CFDP1: variants seen among roughly 807,000 people sequenced by gnomAD.
CFDP1 encodes chromatin remodeling protein CFDP1, also known as heterochromatin-stabilizing protein CFDP1.
Under a neutral mutation model 40.1 loss-of-function variants are expected in CFDP1, and 31 were observed. That is an observed-to-expected ratio of 0.77 (90% CI 0.58 to 1.04). The LOEUF (loss-of-function observed/expected upper bound fraction) is 1.04. CFDP1 is among the 50% of genes least tolerant of loss of function. The pLI is 0.00. For missense variants in CFDP1, 423 were observed against 343.4 expected (o/e 1.23, Z -1.83); for synonymous variants, 167 against 120.0 (o/e 1.39, Z -2.56).
chr16:75,372,944 T>G (rs1054447374), intron 5 of CFDP1, among the ~76,000 whole-genome samples: 5 of 152,158 alleles, frequency 3.3e-5, no homozygotes, highest in African/African-American at 1.2e-4. Flanking sequence ...GAAATTAACT[T>G]TATCAACTGT....
At chr16:75,428,561 G>A (rs944705419) in intron 1 of CFDP1, among the ~76,000 whole-genome samples, 7 of 151,948 alleles carry the variant, frequency 4.6e-5, no homozygotes, top group Non-Finnish European at 8.8e-5. Flanking sequence ...AAGTTGCAGT[G>A]AGCCGAGATT....
chr16:75,426,388 CTT>C (rs149358628), intron 1 of CFDP1, among the ~76,000 whole-genome samples: 9,942 of 151,956 alleles, frequency 0.065, 349 homozygotes, highest in Non-Finnish European at 0.089. Flanking sequence ...AACTATGTAA[CTT>C]TTACATAGGA....
chr16:75,328,284 T>C (rs1001690363), intron 5 of CFDP1, among the ~76,000 whole-genome samples: 13 of 150,254 alleles, frequency 8.7e-5, no homozygotes, highest in African/African-American at 2.9e-4. Context: ...AATTAGTATG[T>C]TTTAAAAGCT....
chr16:75,422,091 TTC>T (rs771733726), intron 1 of CFDP1, among the ~76,000 whole-genome samples: 2 of 152,052 alleles, frequency 1.3e-5, no homozygotes, highest in East Asian at 1.9e-4. Flanking sequence ...CCCAAATACT[TTC>T]TCTCTCTCTC....
chr16:75,322,830 C>A (rs572048614), intron 5 of CFDP1, among the ~76,000 whole-genome samples: 1 of 151,458 alleles, frequency 6.6e-6, no homozygotes. Context: ...GGATACTTAA[C>A]CTGTGTATAA....
intron 5 of CFDP1, among the ~76,000 whole-genome samples, chr16:75,307,270 C>A (rs147699434): frequency 0.01 from 1,554 of 152,172 alleles, 30 homozygotes; most frequent in African/African-American, 0.036. Flanking sequence ...GGCTGGAGTG[C>A]AGATGCGTGA....
Position 75,431,184 on chromosome 16 carries a change from G to T in CFDP1, c.64+2105C>A, listed in dbSNP as rs2079409579. ...AAAAAACACTGGGCCTGGCACGGTG[G>T]CTCACGCCTGTAATCCCAGCACTCA... On this transcript the variant is annotated intron_variant, in intron 1 of 6. Coordinates refer to ENST00000283882, the MANE Select transcript of CFDP1 (RefSeq NM_006324.3). Among the ~76,000 whole-genome samples the T allele has an allele frequency of 2.6e-5, 4 of 151,874 alleles. No individual in the cohort carries two copies. In the South Asian group the frequency reaches 8.3e-4, roughly 31 times the overall value.
At chr16:75,360,524 T>C (rs1325436979) in intron 5 of CFDP1, among the ~76,000 whole-genome samples, 1 of 152,204 alleles carries the variant, frequency 6.6e-6, no homozygotes, top group African/African-American at 2.4e-5. Flanking sequence ...TGGAAAGGAA[T>C]ACTACCCCTC....
At chr16:75,329,571 C>A (rs2078430069) in intron 5 of CFDP1, among the ~76,000 whole-genome samples, 1 of 152,160 alleles carries the variant, frequency 6.6e-6, no homozygotes, top group Non-Finnish European at 1.5e-5. Context: ...TAACTCATGG[C>A]AGCCTTGAAC....
At position 75,384,854 on chromosome 16, in the gene CFDP1, ATATATATATATATATATAT is replaced by A. The variant is rs2078880257; in HGVS notation, c.650+10217_650+10235del. Reference sequence around the variant, plus strand: ...CAAGTTGCAAGAAGAAACTAAAACTATATATATATATATATATATATATATATATATATATATATATATA... The same window carrying A: ...CAAGTTGCAAGAAGAAACTAAAACTAATATATATATATATATATATATATA... On this transcript the variant is annotated intron_variant, in intron 5 of 6. Coordinates refer to ENST00000283882, the MANE Select transcript of CFDP1 (RefSeq NM_006324.3). Among the ~76,000 whole-genome samples, 315 of 124,900 alleles carry A rather than the reference ATATATATATATATATATAT, an allele frequency of 2.5e-3. 8 individuals carry two copies. The highest frequency in any genetic ancestry group is 0.01 in the African/African-American group (286 of 28,156). 81.9% of individuals were successfully genotyped at this position (124,900 alleles called of 152,430 possible). A position where few individuals can be genotyped will look rare whatever the true frequency, so the allele number is the denominator to read the frequency against.
At chr16:75,402,062 G>C (rs765265195) in intron 4 of CFDP1, among the ~76,000 whole-genome samples, 6 of 152,090 alleles carry the variant, frequency 3.9e-5, no homozygotes, top group Non-Finnish European at 8.8e-5. Flanking sequence ...TTTATCTCAG[G>C]AACTTTAGTA....
intron 4 of CFDP1, among the ~76,000 whole-genome samples, chr16:75,398,149 T>C (rs1871937262): frequency 6.6e-6 from 1 of 152,230 alleles, no homozygotes; most frequent in African/African-American, 2.4e-5. Context: ...AGTAAATGCT[T>C]ATCATTGTAC....
chr16:75,294,410 T>C (rs11640018), intron 6 of CFDP1, among the ~76,000 whole-genome samples: 48,336 of 152,106 alleles, frequency 0.32, 8,960 homozygotes, highest in East Asian at 0.54. Flanking sequence ...GCCTCACTTT[T>C]CTCTACAGCA....
At chr16:75,426,404 T>C (rs1016812571) in intron 1 of CFDP1, among the ~76,000 whole-genome samples, 6 of 151,314 alleles carry the variant, frequency 4.0e-5, no homozygotes, top group Non-Finnish European at 8.8e-5. Flanking sequence ...CATAGGAAAA[T>C]ACACTATCTT....
At chr16:75,294,072 G>T in intron 6 of CFDP1, 30 bp from the exon 7 acceptor site, 1 of 1,560,380 alleles carries the variant, frequency 6.4e-7, no homozygotes. Flanking sequence ...TTTGTCAGTA[G>T]AATCCAGTAG....
At chr16:75,327,841 A>G (rs949536757) in intron 5 of CFDP1, among the ~76,000 whole-genome samples, 2 of 152,062 alleles carry the variant, frequency 1.3e-5, no homozygotes, top group South Asian at 2.1e-4. Flanking sequence ...CTCCTGCCTC[A>G]GCCTCCCGAA....
chr16:75,395,728 A>G (rs2285221), intron 4 of CFDP1, among the ~76,000 whole-genome samples: 25,884 of 152,140 alleles, frequency 0.17, 2,358 homozygotes, highest in Middle Eastern at 0.22. Context: ...AATGTGTATA[A>G]ATTTTATCAC....
chr16:75,322,591 A>G (rs1229730981), intron 5 of CFDP1, among the ~76,000 whole-genome samples: 1 of 152,196 alleles, frequency 6.6e-6, no homozygotes, highest in African/African-American at 2.4e-5. Flanking sequence ...TAGACCTAGA[A>G]AAGGTACAGT....
At chr16:75,344,153 T>C (rs2078545946) in intron 5 of CFDP1, among the ~76,000 whole-genome samples, 1 of 152,210 alleles carries the variant, frequency 6.6e-6, no homozygotes, top group Non-Finnish European at 1.5e-5. Flanking sequence ...TAACTAACTT[T>C]TGGCAGTAGT....
Sources: allele counts gnomAD v4.1 joint callset (sites outside exome capture counted in the v4.1 genomes callset), GRCh38; gene constraint gnomAD v4.1.1; transcripts MANE v1.5; gene names NCBI Gene and HGNC (gene_info 2026-07-23, HGNC 2026-07-21).